GRIP1: variants seen among roughly 807,000 people sequenced by gnomAD.
GRIP1 encodes the protein glutamate receptor interacting protein 1, also known as glutamate receptor-interacting protein 1.
Under a neutral mutation model 129.9 loss-of-function variants are expected in GRIP1, and 45 were observed. The ratio of observed to expected loss-of-function variants is 0.35; its 90% CI spans 0.27 to 0.44. The LOEUF (loss-of-function observed/expected upper bound fraction) is 0.44, where lower values mean the gene tolerates loss of function less well. Among genes scored for constraint, GRIP1 ranks in the 20% least tolerant of loss-of-function variants. The probability of loss-of-function intolerance (pLI) is 1.00; values close to 1 mark genes in which losing one functional copy is unlikely to be tolerated. For missense variants in GRIP1, 1,196 were observed against 1,396.8 expected, an observed-to-expected ratio of 0.86 and a Z score of 2.29; for synonymous variants, 530 against 520.8, an observed-to-expected ratio of 1.02 and a Z score of -0.24.
At chr12:66,700,759 T>G (rs2035324528) in intron 1 of GRIP1, among the ~76,000 whole-genome samples, 1 of 152,150 alleles carries the variant, frequency 6.6e-6, no homozygotes, top group South Asian at 2.1e-4. Flanking sequence ...ACCAGGATGC[T>G]GGTATCAGGG....
chr12:66,736,916 C>T (rs1162127801), intron 1 of GRIP1, among the ~76,000 whole-genome samples: 1 of 125,136 alleles, frequency 8.0e-6, no homozygotes, highest in Non-Finnish European at 1.7e-5. Flanking sequence ...GTTTGCAAGT[C>T]ATTTTTTTTT....
chr12:66,744,652 C>A (rs1035277927), intron 1 of GRIP1, among the ~76,000 whole-genome samples: 1 of 152,126 alleles, frequency 6.6e-6, no homozygotes, highest in African/African-American at 2.4e-5. Flanking sequence ...AGAGGCCTGG[C>A]CCATCAGCCC....
At chr12:67,020,738 A>T (rs2042853922) in intron 1 of GRIP1, among the ~76,000 whole-genome samples, 1 of 152,206 alleles carries the variant, frequency 6.6e-6, no homozygotes, top group Admixed American at 6.5e-5. Flanking sequence ...TGATTTAAAC[A>T]TAATATAATT....
At chr12:66,585,012 C>T (rs1201616697) in intron 2 of GRIP1, among the ~76,000 whole-genome samples, 1 of 152,088 alleles carries the variant, frequency 6.6e-6, no homozygotes, top group Non-Finnish European at 1.5e-5. Context: ...TTGGTGCACA[C>T]TGGATGCACC....
chr12:66,659,042 C>T (rs530863236), intron 1 of GRIP1, among the ~76,000 whole-genome samples: 4 of 152,300 alleles, frequency 2.6e-5, no homozygotes, highest in African/African-American at 9.6e-5. Context: ...TACTGTGCCC[C>T]GTGATGATCC....
intron 1 of GRIP1, among the ~76,000 whole-genome samples, chr12:66,926,876 A>C (rs928701416): frequency 6.6e-6 from 1 of 152,246 alleles, no homozygotes; most frequent in East Asian, 1.9e-4. Context: ...GCAAAGAAAA[A>C]AATAAAAGCA....
At position 66,965,000 on chromosome 12, in the gene GRIP1, C is replaced by T. The variant is rs543283857; in HGVS notation, c.58+104050G>A. On this transcript the variant is annotated intron_variant, in intron 1 of 1. Transcript: ENST00000643019. Reference sequence around the variant, plus strand: ...ACCAAATTAGAGAATACCCTAAAGGCTTCATTTTTAACTTAAGCACCTCTT... The same window carrying T: ...ACCAAATTAGAGAATACCCTAAAGGTTTCATTTTTAACTTAAGCACCTCTT... Among the ~76,000 whole-genome samples, 12 of 152,176 alleles carry T rather than the reference C, an allele frequency of 7.9e-5. No homozygotes were observed. In the East Asian group the frequency reaches 2.1e-3, roughly 27 times the overall value.
At chr12:66,743,693 G>A (rs1055337246) in intron 1 of GRIP1, among the ~76,000 whole-genome samples, 5 of 151,956 alleles carry the variant, frequency 3.3e-5, no homozygotes, top group African/African-American at 9.7e-5. Context: ...AAGATAACAA[G>A]GAGGAGGAGG....
chr12:66,723,239 T>TCTTCCTTCCTTCCTTC (rs1187415539), intron 1 of GRIP1, among the ~76,000 whole-genome samples: 587 of 23,512 alleles, frequency 0.025, 10 homozygotes, highest in Middle Eastern at 0.12. Flanking sequence ...TCTCTCTCTC[T>TCTTCCTTCCTTCCTTC]CTTCCTTCCT....
intron 1 of GRIP1, among the ~76,000 whole-genome samples, chr12:66,715,471 T>TGTGTGTGTGTGTGTGTGA (rs761155485): frequency 3.4e-4 from 37 of 110,136 alleles, no homozygotes; most frequent in Admixed American, 1.9e-3. Context: ...TGTGTGTGTG[T>TGTGTGTGTGTGTGTGTGA]GAGAGAGAGA....
At chr12:66,603,027 T>A (rs1203943374) in intron 1 of GRIP1, among the ~76,000 whole-genome samples, 2 of 151,572 alleles carry the variant, frequency 1.3e-5, no homozygotes, top group Non-Finnish European at 2.9e-5. Flanking sequence ...CTGACTTTTT[T>A]AAAATTATTT....
intron 1 of GRIP1, among the ~76,000 whole-genome samples, chr12:66,945,923 T>TC (rs2041661571): frequency 6.6e-6 from 1 of 152,158 alleles, no homozygotes; most frequent in Non-Finnish European, 1.5e-5. Flanking sequence ...TAAATTCTCA[T>TC]CCATAGCTCA....
intron 1 of GRIP1, among the ~76,000 whole-genome samples, chr12:66,749,006 CACTTAATAA>C (rs2037041469): frequency 6.6e-6 from 1 of 152,166 alleles, no homozygotes; most frequent in South Asian, 2.1e-4. Flanking sequence ...GCACAGCAGA[CACTTAATAA>C]ACATTTGTTG....
intron 1 of GRIP1, among the ~76,000 whole-genome samples, chr12:66,636,996 T>C (rs1027210227): frequency 3.9e-5 from 6 of 152,042 alleles, no homozygotes; most frequent in Admixed American, 1.3e-4. Context: ...ATGCTGCTGA[T>C]GGGAGGGGAC....
intron 19 of GRIP1, among the ~76,000 whole-genome samples, chr12:66,384,187 G>A (rs547485233): frequency 2.0e-4 from 29 of 143,264 alleles, no homozygotes; most frequent in African/African-American, 2.1e-4. Context: ...TCTGACTTGC[G>A]TCTTATTTAA....
Position 66,783,044 on chromosome 12 carries a change from C to CT in GRIP1, c.-420+21008dup, listed in dbSNP as rs373211810. Reference sequence around the variant, plus strand: ...GCTGAAAGGCAAATGAGTAAAGGTACTTTTTTTTTTTTAAGACACTCTGTC... The same window carrying CT: ...GCTGAAAGGCAAATGAGTAAAGGTACTTTTTTTTTTTTTAAGACACTCTGTC... On this transcript the variant is annotated intron_variant, in intron 1 of 4. Transcript: ENST00000538373. 1.9e-3 allele frequency among the ~76,000 whole-genome samples: 272 copies of CT among 145,810 alleles called. 1 individual carries two copies. The highest frequency in any genetic ancestry group is 5.1e-3 in the African/African-American group (202 of 39,896).
At position 66,758,990 on chromosome 12, in the gene GRIP1, G is replaced by T. The variant is rs148965416; in HGVS notation, c.-420+45063C>A. The stretch of plus-strand genomic sequence containing the variant: ...CTGTCAGTGGATCTATCGTTCTGGG[G>T]TCTGGAGGACGGTGTCCCTCTTCTC... On this transcript the variant is annotated intron_variant, in intron 1 of 4. Coordinates refer to the GRIP1 transcript ENST00000538373. Among the ~76,000 whole-genome samples the T allele has an allele frequency of 3.0e-3, 451 of 152,300 alleles. 4 individuals carry two copies. Among genetic ancestry groups the T allele is most frequent in the African/African-American group, 0.01 (432 of 41,574 alleles).
chr12:66,654,342 A>T (rs7953245), intron 1 of GRIP1, among the ~76,000 whole-genome samples: 2,680 of 152,288 alleles, frequency 0.018, 71 homozygotes, highest in African/African-American at 0.061. Flanking sequence ...CAAAAACATG[A>T]TAAGGAAAAC....
At chr12:66,567,311 T>G (rs1265013633) in intron 2 of GRIP1, among the ~76,000 whole-genome samples, 2 of 152,230 alleles carry the variant, frequency 1.3e-5, no homozygotes, top group East Asian at 3.8e-4. Flanking sequence ...TCCTGGAGAT[T>G]CTGGTATGTT....
Sources: allele counts gnomAD v4.1 joint callset (sites outside exome capture counted in the v4.1 genomes callset), GRCh38; gene constraint gnomAD v4.1.1; transcripts MANE v1.5; gene names NCBI Gene and HGNC (gene_info 2026-07-23, HGNC 2026-07-21).